The following SCAI variants were observed in gnomAD, a reference collection of about 807,000 sequenced individuals.
The protein encoded by SCAI is suppressor of cancer cell invasion.
A neutral mutation model predicts 92.2 loss-of-function variants in SCAI; 24 were observed. The observed-to-expected ratio is 0.26, with a 90% CI of 0.19 to 0.37. The LOEUF is 0.37. Ranked by LOEUF, SCAI falls within the 10% of genes least tolerant of loss-of-function variation. SCAI has a pLI of 1.00. For synonymous variants in SCAI, 261 were observed against 258.6 expected (o/e 1.01, Z -0.09); for missense variants, 450 against 736.2 (o/e 0.61, Z 4.50).
At chr9:124,956,653 A>G (rs1831319333) in intron 17 of SCAI, among the ~76,000 whole-genome samples, 1 of 152,248 alleles carries the variant, frequency 6.6e-6, no homozygotes, top group African/African-American at 2.4e-5. Context: ...TAAGAATGGA[A>G]GGGAGCTCAG....
chr9:125,085,471 C>G (rs1361251531), intron 2 of SCAI, among the ~76,000 whole-genome samples: 1 of 151,854 alleles, frequency 6.6e-6, no homozygotes, highest in Non-Finnish European at 1.5e-5. Context: ...CTGGGTGACA[C>G]AGCAAGGCTC....
intron 2 of SCAI, among the ~76,000 whole-genome samples, chr9:125,066,460 A>ATTTTTT (rs372205559): frequency 1.4e-5 from 2 of 138,376 alleles, no homozygotes; most frequent in African/African-American, 2.6e-5. Flanking sequence ...TTATTTATTT[A>ATTTTTT]TTTATTTTTT....
At chr9:125,134,699 G>T (rs189530250) in intron 2 of SCAI, among the ~76,000 whole-genome samples, 1 of 152,300 alleles carries the variant, frequency 6.6e-6, no homozygotes, top group East Asian at 1.9e-4. Context: ...TGTGTGAGAT[G>T]GAGTTTCGCT....
chr9:125,021,496 C>T (rs1230691583), intron 6 of SCAI, among the ~76,000 whole-genome samples: 1 of 152,096 alleles, frequency 6.6e-6, no homozygotes, highest in Non-Finnish European at 1.5e-5. Flanking sequence ...TGTTATTGTT[C>T]TTTAAGTGAT....
chr9:125,040,213 C>G (rs1391582934), intron 3 of SCAI, among the ~76,000 whole-genome samples: 1 of 151,808 alleles, frequency 6.6e-6, no homozygotes, highest in Non-Finnish European at 1.5e-5. Context: ...ATAAATTAGC[C>G]AAGTGTGGTG....
intron 17 of SCAI, among the ~76,000 whole-genome samples, chr9:124,954,759 C>A (rs569735889): frequency 6.6e-6 from 1 of 152,190 alleles, no homozygotes; most frequent in South Asian, 2.1e-4. Context: ...ATCCCTCCCC[C>A]ATTCGCCCCA....
Position 124,968,739 on chromosome 9 carries a change from T to C in SCAI, c.1674+2631A>G, listed in dbSNP as rs544708538. The C allele has an allele frequency of 9.9e-6, 13 of 1,310,036 alleles. No individual in the cohort carries two copies. In the South Asian group the frequency reaches 1.3e-4, roughly 13 times the overall value. 81.2% of individuals were successfully genotyped at this position (1,310,036 alleles called of 1,614,324 possible). ...CTGCTTTTTGACATTCCGAATCTGG[T>C]TGAGGCCATGGAGGTTCAAACTGGC... On this transcript the variant is annotated intron_variant, in intron 17 of 17. Transcript: ENST00000336505.
In SCAI at chr9:125,092,131, TAAAAAAAAAAAAAAAAAAA is replaced by T. The variant is rs71374225; in HGVS notation, c.99-36143_99-36125del. ...GGCGACAGAGCAAGACTCCGTCTCT[TAAAAAAAAAAAAAAAAAAA>T]AAAAAAAAAAAAAAAAAATCAGGCT... On this transcript the variant is annotated intron_variant, in intron 2 of 17. Transcript: ENST00000336505. Among the ~76,000 whole-genome samples, 517 of 61,136 alleles carry T rather than the reference TAAAAAAAAAAAAAAAAAAA, an allele frequency of 8.5e-3. 6 individuals are homozygous for T. The highest frequency in any genetic ancestry group is 0.029 in the African/African-American group (479 of 16,442). The allele number at this position is 61,136 out of a possible 152,430, so 40.1% of individuals were successfully genotyped here. A position where few individuals can be genotyped will look rare whatever the true frequency, so the allele number is the denominator to read the frequency against.
intron 2 of SCAI, among the ~76,000 whole-genome samples, chr9:125,112,685 C>A (rs1834956068): frequency 6.6e-6 from 1 of 152,186 alleles, no homozygotes; most frequent in African/African-American, 2.4e-5. Context: ...ACACCTAACA[C>A]CTAGCTCTTG....
Position 124,950,803 on chromosome 9 carries a change from CT to C in SCAI, c.*2003del, listed in dbSNP as rs1272501256. The C allele has an allele frequency of 1.3e-5, 2 of 152,258 alleles. No homozygotes were observed. The highest frequency in any genetic ancestry group is 6.6e-5 in the Admixed American group (1 of 15,262). The allele number at this position is 152,258 out of a possible 1,614,324, so 9.4% of individuals were successfully genotyped here. A position where few individuals can be genotyped will look rare whatever the true frequency, so the allele number is the denominator to read the frequency against. On this transcript the variant is annotated 3_prime_UTR_variant, in exon 18 of 18. Transcript: ENST00000336505. Reference sequence around the variant, plus strand: ...GTGGCTCACACCTGTAATCCTAGCACTTTGGGAGGTTGAGGCAGGAGGATCA... The same window carrying C: ...GTGGCTCACACCTGTAATCCTAGCACTTGGGAGGTTGAGGCAGGAGGATCA...
At position 125,004,938 on chromosome 9, in the gene SCAI, G is replaced by A. The variant is rs370833859; in HGVS notation, c.862-1368C>T. ...AGAGTAGCTGGGATTATGGGCATGC[G>A]CCACCACACCAGGCTAATTTTGTAT... On this transcript the variant is annotated intron_variant, in intron 9 of 17. Transcript: ENST00000336505. Among the ~76,000 whole-genome samples, 43 of 149,796 alleles carry A rather than the reference G, an allele frequency of 2.9e-4. No individual in the cohort carries two copies. In the East Asian group the frequency reaches 5.4e-3, roughly 19 times the overall value.
chr9:125,117,498 T>C (rs1835068620), intron 2 of SCAI, among the ~76,000 whole-genome samples: 1 of 151,772 alleles, frequency 6.6e-6, no homozygotes, highest in African/African-American at 2.4e-5. Flanking sequence ...AAACCCTATC[T>C]CTACTAAAAC....
chr9:125,119,569 C>T (rs569057198), intron 2 of SCAI, among the ~76,000 whole-genome samples: 2 of 152,298 alleles, frequency 1.3e-5, no homozygotes, highest in African/African-American at 4.8e-5. Context: ...AGAAATACAT[C>T]TTGTTCTTGT....
chr9:124,971,698 G>C lies in SCAI; in HGVS notation c.1546C>G (p.Gln516Glu), dbSNP rs1831661900. 2 of 1,609,156 alleles carry C rather than the reference G, an allele frequency of 1.2e-6. No homozygotes were observed. Among genetic ancestry groups the C allele is most frequent in the Non-Finnish European group, 1.7e-6 (2 of 1,178,480 alleles). The change falls in exon 16 of 18, where the codon CAG becomes GAG. Residue 516 changes from glutamine (Q) to glutamate (E), a missense_variant. Coordinates refer to ENST00000336505, the MANE Select transcript of SCAI (RefSeq NM_001144877.3). ...YLRKINRDIA[Q>E]LLTHSRSIDQ... is the part of the protein sequence containing the mutation. ...ATTGAACGTGAATGAGTCAGTAGCT[G>C]GGCAATATCACGGTTGATTTTTCGA...
chr9:125,092,507 T>A (rs527896118), intron 2 of SCAI, among the ~76,000 whole-genome samples: 2 of 152,266 alleles, frequency 1.3e-5, no homozygotes, highest in East Asian at 3.9e-4. Context: ...CCTCCACACA[T>A]GCCCAGCCAC....
chr9:124,962,700 T>C (rs994953840), intron 17 of SCAI, among the ~76,000 whole-genome samples: 20 of 152,162 alleles, frequency 1.3e-4, no homozygotes, highest in African/African-American at 4.8e-4. Context: ...ATTCAACTTA[T>C]AGCCTACCAG....
At chr9:125,139,882 T>G (rs1460688013) in intron 2 of SCAI, among the ~76,000 whole-genome samples, 1 of 152,144 alleles carries the variant, frequency 6.6e-6, no homozygotes, top group East Asian at 1.9e-4. Flanking sequence ...AGAAATACAA[T>G]GCAAGTTAAA....
At chr9:125,011,707 A>C (rs935512454) in intron 9 of SCAI, among the ~76,000 whole-genome samples, 5 of 152,194 alleles carry the variant, frequency 3.3e-5, no homozygotes, top group African/African-American at 4.8e-5. Flanking sequence ...CCTCGAGAAG[A>C]GCAACTCCAG....
intron 2 of SCAI, among the ~76,000 whole-genome samples, chr9:125,115,828 G>C (rs1302915695): frequency 2.6e-5 from 4 of 152,116 alleles, no homozygotes; most frequent in Non-Finnish European, 5.9e-5. Flanking sequence ...GAATTTCAAG[G>C]TATTGACAGT....
Sources: gnomAD v4.1 joint callset for allele counts (sites outside exome capture counted in the v4.1 genomes callset) on GRCh38, gnomAD v4.1.1 for gene constraint, MANE v1.5 for transcripts, NCBI Gene and HGNC (gene_info 2026-07-23, HGNC 2026-07-21) for gene names.